Variants in TKTL1 observed in about 807,000 individuals in gnomAD.
TKTL1 encodes transketolase-like protein 1.
TKTL1 carries 1 observed loss-of-function variant against 39.3 expected under a neutral mutation model. That is an observed-to-expected ratio of 0.03 (90% CI 0.01 to 0.12). TKTL1 has a LOEUF of 0.12. Among genes scored for constraint, TKTL1 ranks in the 10% least tolerant of loss-of-function variants. The probability of loss-of-function intolerance (pLI) is 1.00; values close to 1 mark genes in which losing one functional copy is unlikely to be tolerated. For synonymous variants in TKTL1, 262 were observed against 193.8 expected, an observed-to-expected ratio of 1.35 and a Z score of -2.92; for missense variants, 575 against 509.6, an observed-to-expected ratio of 1.13 and a Z score of -1.24.
intron 1 of TKTL1, among the ~76,000 whole-genome samples, chrX:154,302,734 G>A (rs2067283287): frequency 8.9e-6 from 1 of 112,021 alleles, no homozygotes; most frequent in Non-Finnish European, 1.9e-5. Flanking sequence ...AGGATCTTGA[G>A]ATAAGATCAT....
rs374313214 is a variant in TKTL1 at position 154,301,845 on chromosome X, G to A, written c.135-3459G>A. Among the ~76,000 whole-genome samples the A allele has an allele frequency of 4.3e-3, 461 of 106,628 alleles. 5 individuals carry two copies. Among genetic ancestry groups the A allele is most frequent in the African/African-American group, 0.015 (429 of 29,079 alleles). The allele number at this position is 106,628 out of a possible 115,157, so 92.6% of individuals were successfully genotyped here. A position where few individuals can be genotyped will look rare whatever the true frequency, so the allele number is the denominator to read the frequency against. ...CGACCTCAGGTGATCCGCCCACCTCGGCCTCCCAAGATGCTGGGATTACAG... is the reference window on the plus strand; with the variant it reads ...CGACCTCAGGTGATCCGCCCACCTCAGCCTCCCAAGATGCTGGGATTACAG... On this transcript the variant is annotated intron_variant, in intron 1 of 12. Coordinates refer to ENST00000369915, the MANE Select transcript of TKTL1 (RefSeq NM_012253.4).
Position 154,304,290 on chromosome X carries a change from C to T in TKTL1, c.135-1014C>T, listed in dbSNP as rs1482571431. On this transcript the variant is annotated intron_variant, in intron 1 of 12. Transcript: ENST00000369915. ...GGACAGTGAGTGTGAACGAGGGGTCCTGGAGAATGTGCACGCCAGCCCTGC... is the reference window on the plus strand; with the variant it reads ...GGACAGTGAGTGTGAACGAGGGGTCTTGGAGAATGTGCACGCCAGCCCTGC... Among the ~76,000 whole-genome samples the T allele has an allele frequency of 3.6e-5, 4 of 110,942 alleles. No homozygotes were observed. The Admixed American group carries it at 3.8e-4, about 11-fold the overall frequency.
chrX:154,319,185 A>C (rs2067429234), intron 7 of TKTL1, among the ~76,000 whole-genome samples: 1 of 112,327 alleles, frequency 8.9e-6, no homozygotes, highest in Non-Finnish European at 1.9e-5. Context: ...AATGTCACTC[A>C]GTTCTTTGAA....
rs782363659 is a variant in TKTL1 at position 154,320,380 on chromosome X, A to G, written c.1030-377A>G. On this transcript the variant is annotated intron_variant, in intron 7 of 12. Coordinates refer to ENST00000369915, the MANE Select transcript of TKTL1 (RefSeq NM_012253.4). Reference sequence around the variant, plus strand: ...TGGCGCACACCTGAATGGAAATAGAATGATCCAAGAGAAAGGGAAGTAGCA... The same window carrying G: ...TGGCGCACACCTGAATGGAAATAGAGTGATCCAAGAGAAAGGGAAGTAGCA... 508 of 208,748 alleles carry G rather than the reference A, an allele frequency of 2.4e-3. 2 individuals carry two copies. The highest frequency in any genetic ancestry group is 3.6e-3 in the Non-Finnish European group (409 of 113,987). 17.2% of individuals were successfully genotyped at this position (208,748 alleles called of 1,213,427 possible).
At chrX:154,301,079 T>G (rs2067269965) in intron 1 of TKTL1, among the ~76,000 whole-genome samples, 1 of 111,609 alleles carries the variant, frequency 9.0e-6, no homozygotes, top group Admixed American at 9.6e-5. Flanking sequence ...TGCCCTTTAT[T>G]TATTTCGCCA....
intron 8 of TKTL1, among the ~76,000 whole-genome samples, 181 bp from the exon 9 acceptor site, chrX:154,323,026 C>T (rs1291913652): frequency 2.7e-5 from 3 of 112,040 alleles, no homozygotes; most frequent in Non-Finnish European, 5.6e-5. Context: ...GGGAGACAGG[C>T]GTGCAAGAAC....
chrX:154,323,123 T>C (rs2067464743), intron 8 of TKTL1, 84 bp from the exon 9 acceptor site: 1 of 1,132,528 alleles, frequency 8.8e-7, no homozygotes, highest in Non-Finnish European at 1.2e-6. Flanking sequence ...TAGGAATAAT[T>C]GCTTCTTCAG....
At chrX:154,323,830 G>A (rs781835644) in intron 9 of TKTL1, among the ~76,000 whole-genome samples, 3 of 112,554 alleles carry the variant, frequency 2.7e-5, no homozygotes, top group African/African-American at 9.7e-5. Flanking sequence ...AGCTTAGGGC[G>A]CCAAGAGTGT....
intron 9 of TKTL1, among the ~76,000 whole-genome samples, chrX:154,324,228 C>T (rs2067476056): frequency 9.0e-6 from 1 of 111,365 alleles, no homozygotes; most frequent in Non-Finnish European, 1.9e-5. Context: ...CTCACTGCAG[C>T]CTCCGCCTCC....
rs1569550842 is a variant in TKTL1 at position 154,305,347 on chromosome X, C to T, written c.178C>T (p.Leu60=). 1.7e-6 allele frequency: 2 copies of T among 1,210,550 alleles called. No homozygotes were observed. Among genetic ancestry groups the T allele is most frequent in the Non-Finnish European group, 2.2e-6 (2 of 894,670 alleles). Residue 60 remains leucine (L), a synonymous_variant, in exon 2 of 13, where the codon CTG becomes TTG. Coordinates refer to ENST00000369915, the MANE Select transcript of TKTL1 (RefSeq NM_012253.4). ...CSSSSEIMSV[L]FFYIMRYKQS... is the part of the protein sequence containing the mutation. ...CAGTTCTTCTGAGATCATGTCTGTG[C>T]TGTTCTTCTACATCATGAGGTACAA...
At position 154,295,864 on chromosome X, in the gene TKTL1, C is replaced by G; in HGVS notation, c.5C>G (p.Ala2Gly). Residue 2 changes from alanine (A) to glycine (G), a missense_variant, in exon 1 of 13, where the codon GCG becomes GGG. Coordinates refer to ENST00000369915, the MANE Select transcript of TKTL1 (RefSeq NM_012253.4). ...GACTCCAAAGGGGTTGGACTAATGG[C>G]GGATGCTGAGGCGAGGGCTGAGTTC... M[A>G]DAEARAEFPE... 1 of 1,210,482 alleles carries G rather than the reference C, an allele frequency of 8.3e-7. No homozygotes were observed. The highest frequency in any genetic ancestry group is 1.1e-6 in the Non-Finnish European group (1 of 894,842).
At chrX:154,313,753 G>A (rs2067375716) in intron 6 of TKTL1, among the ~76,000 whole-genome samples, 1 of 110,137 alleles carries the variant, frequency 9.1e-6, no homozygotes, top group Non-Finnish European at 1.9e-5. Flanking sequence ...CCTGGGCAAA[G>A]TAGTGAGACC....
chrX:154,307,209 C>T (rs1354358610), intron 2 of TKTL1, among the ~76,000 whole-genome samples: 3 of 110,155 alleles, frequency 2.7e-5, no homozygotes, highest in Non-Finnish European at 5.7e-5. Context: ...TAGAGCAAGA[C>T]CCTGTCTCAA....
chrX:154,296,653 A>G (rs930550710), intron 1 of TKTL1, among the ~76,000 whole-genome samples: 5 of 111,063 alleles, frequency 4.5e-5, no homozygotes, highest in Admixed American at 9.6e-5. Context: ...GTTGTATTGT[A>G]GTATTTGGTT....
rs1557172787 is a variant in TKTL1 at position 154,329,623 on chromosome X, C to A, written c.1726C>A (p.Leu576Met). ...VPQSGKSEELLDMYGISARHI... is the reference protein window; with the variant it reads ...VPQSGKSEELMDMYGISARHI... ...CCAGAGTGGGAAGTCCGAGGAATTG[C>A]TGGATATGTATGGAATTAGTGCCAG... The change falls in exon 13 of 13, where the codon CTG (leucine) becomes ATG (methionine). Residue 576 changes from leucine (L) to methionine (M), a missense_variant. Transcript: ENST00000369915. 1.7e-6 allele frequency: 2 copies of A among 1,211,754 alleles called. No individual in the cohort carries two copies. The highest frequency in any genetic ancestry group is 5.9e-5 in the East Asian group (2 of 33,885).
intron 7 of TKTL1, 92 bp from the exon 8 acceptor site, chrX:154,320,665 G>A (rs1557170394): frequency 1.1e-6 from 1 of 916,228 alleles, no homozygotes; most frequent in African/African-American, 1.9e-5. Flanking sequence ...AGTTCAGCAG[G>A]TGCAGAATGG....
chrX:154,301,776 A>T (rs1381284326), intron 1 of TKTL1, among the ~76,000 whole-genome samples: 5 of 100,980 alleles, frequency 5.0e-5, no homozygotes, highest in East Asian at 3.0e-4. Flanking sequence ...TTTTTTTAGT[A>T]GAGACGGGGT....
chrX:154,318,707 C>CAAAA (rs1208196360), intron 7 of TKTL1, among the ~76,000 whole-genome samples: 69 of 30,120 alleles, frequency 2.3e-3, no homozygotes, highest in Non-Finnish European at 4.2e-3. Flanking sequence ...GCCTCCGTCT[C>CAAAA]AAAAAAAAAA....
chrX:154,329,657 T>C lies in TKTL1; in HGVS notation c.1760T>C (p.Ile587Thr), dbSNP rs368579797. The change falls in exon 13 of 13, where the codon ATA becomes ACA. Residue 587 changes from isoleucine to threonine, a missense_variant. Coordinates refer to ENST00000369915, the MANE Select transcript of TKTL1 (RefSeq NM_012253.4). ...DMYGISARHI[I>T]VAVKCMLLN ...TATGGAATTAGTGCCAGACATATCATAGTGGCCGTGAAATGCATGTTGCTG... is the reference window on the plus strand; with the variant it reads ...TATGGAATTAGTGCCAGACATATCACAGTGGCCGTGAAATGCATGTTGCTG... 8 of 1,210,116 alleles carry C rather than the reference T, an allele frequency of 6.6e-6. No homozygotes were observed. The highest frequency in any genetic ancestry group is 1.7e-5 in the African/African-American group (1 of 57,246).
Sources: gnomAD v4.1 joint callset for allele counts (sites outside exome capture counted in the v4.1 genomes callset) on GRCh38, gnomAD v4.1.1 for gene constraint, MANE v1.5 for transcripts, NCBI Gene and HGNC (gene_info 2026-07-23, HGNC 2026-07-21) for gene names.